PHACTR4: variants seen among roughly 807,000 people sequenced by gnomAD.
The protein encoded by PHACTR4 is protein phosphatase 1, regulatory subunit 124.
A neutral mutation model predicts 72.7 loss-of-function variants in PHACTR4; 51 were observed. That is an observed-to-expected ratio of 0.70 (90% CI 0.56 to 0.89). The LOEUF (loss-of-function observed/expected upper bound fraction) is 0.89, where lower values mean the gene tolerates loss of function less well. Among genes scored for constraint, PHACTR4 ranks in the 40% least tolerant of loss-of-function variants. PHACTR4 has a pLI of 0.00. For missense variants in PHACTR4, 731 were observed against 861.8 expected, an observed-to-expected ratio of 0.85 and a Z score of 1.90; for synonymous variants, 255 against 302.5, an observed-to-expected ratio of 0.84 and a Z score of 1.63.
chr1:28,489,363 C>G (rs1017239911), intron 10 of PHACTR4, 138 bp downstream of exon 10: 1 of 663,836 alleles, frequency 1.5e-6, no homozygotes, highest in African/African-American at 1.8e-5. Flanking sequence ...TATTTATTTC[C>G]CCATGAAGGA....
chr1:28,465,926 A>G, intron 5 of PHACTR4, 77 bp downstream of exon 5: 2 of 1,395,808 alleles, frequency 1.4e-6, no homozygotes, highest in Non-Finnish European at 1.9e-6. Context: ...GCAAGAGAAC[A>G]GGGAAAAGTG....
chr1:28,431,212 T>C (rs1403999356), intron 2 of PHACTR4, among the ~76,000 whole-genome samples: 3 of 142,686 alleles, frequency 2.1e-5, no homozygotes, highest in Admixed American at 2.1e-4. Flanking sequence ...TATATATATA[T>C]ATAAACATGG....
intron 9 of PHACTR4, among the ~76,000 whole-genome samples, chr1:28,481,962 A>G (rs1168022050): frequency 6.6e-6 from 1 of 151,860 alleles, no homozygotes; most frequent in Non-Finnish European, 1.5e-5. Context: ...CAATGGTGCA[A>G]TCTCGGCTTA....
chr1:28,473,093 G>A (rs904421585), intron 6 of PHACTR4, among the ~76,000 whole-genome samples: 1 of 151,474 alleles, frequency 6.6e-6, no homozygotes, highest in Non-Finnish European at 1.5e-5. Flanking sequence ...TGGCCAACAT[G>A]GTGAAAGCCC....
chr1:28,492,191 C>T (rs1362975047), intron 12 of PHACTR4, among the ~76,000 whole-genome samples: 3 of 152,164 alleles, frequency 2.0e-5, no homozygotes, highest in Non-Finnish European at 4.4e-5. Context: ...AATCCTAGCA[C>T]TTTGGGAGGC....
rs1387064214 is a variant in PHACTR4, at chr1:28,476,520, GTTTTTTGTTT to G, written c.1606+241_1606+250del. ...GTAGATTGAGTCACTCAGGTTTTAGGTTTTTTGTTTTTTTTTGTTTTAATTTTTTTTTTTT... is the reference window on the plus strand; with the variant it reads ...GTAGATTGAGTCACTCAGGTTTTAGGTTTTTTGTTTTAATTTTTTTTTTTT... On this transcript the variant is annotated intron_variant, in intron 8 of 13. Coordinates refer to ENST00000373839, the MANE Select transcript of PHACTR4 (RefSeq NM_001048183.3). 5.0e-3 allele frequency among the ~76,000 whole-genome samples: 720 copies of G among 143,666 alleles called. 5 individuals are homozygous for G. Among genetic ancestry groups the G allele is most frequent in the African/African-American group, 0.019 (673 of 35,854 alleles). The allele number at this position is 143,666 out of a possible 152,430, so 94.3% of individuals were successfully genotyped here.
At chr1:28,466,802 T>G in intron 6 of PHACTR4, 34 bp downstream of exon 6, 1 of 1,576,054 alleles carries the variant, frequency 6.3e-7, no homozygotes. Flanking sequence ...GTGTTTTGGG[T>G]TTGGTTTGAT....
chr1:28,433,646 C>T (rs1467817749), intron 2 of PHACTR4, among the ~76,000 whole-genome samples: 2 of 149,476 alleles, frequency 1.3e-5, no homozygotes, highest in East Asian at 2.0e-4. Flanking sequence ...TTAGTAGAGA[C>T]GGAGTTTTTC....
intron 2 of PHACTR4, among the ~76,000 whole-genome samples, chr1:28,419,713 A>G (rs1345354391): frequency 6.6e-6 from 1 of 152,202 alleles, no homozygotes; most frequent in East Asian, 1.9e-4. Flanking sequence ...TCTTCTAGTT[A>G]AAAGCTTTAG....
At chr1:28,438,362 G>T in intron 2 of PHACTR4, 1 of 1,606,482 alleles carries the variant, frequency 6.2e-7, no homozygotes, top group South Asian at 1.1e-5. Flanking sequence ...TTGTTGTCGT[G>T]AGATACATCA....
rs1320016675 is a variant in PHACTR4, at chr1:28,487,717, G to GTTTTTT, written c.1761-1452_1761-1447dup. Among the ~76,000 whole-genome samples, 92 of 102,446 alleles carry GTTTTTT rather than the reference G, an allele frequency of 9.0e-4. 5 individuals are homozygous for GTTTTTT. Among genetic ancestry groups the GTTTTTT allele is most frequent in the African/African-American group, 3.6e-3 (88 of 24,646 alleles). 67.2% of individuals were successfully genotyped at this position (102,446 alleles called of 152,430 possible). ...CTGATTTCAAAAATGACAAATTGTA[G>GTTTTTT]TTTTTTGTTGTTTTTTTTTTTTTTT... On this transcript the variant is annotated intron_variant, in intron 9 of 13. Transcript: ENST00000373839.
At chr1:28,418,324 T>A (rs1425654144) in intron 2 of PHACTR4, among the ~76,000 whole-genome samples, 53 of 146,800 alleles carry the variant, frequency 3.6e-4, no homozygotes, top group South Asian at 2.6e-3. Context: ...AAAAAAATAA[T>A]AATAATAATA....
chr1:28,469,859 C>T (rs567146376), intron 6 of PHACTR4, among the ~76,000 whole-genome samples: 1 of 151,904 alleles, frequency 6.6e-6, no homozygotes, highest in East Asian at 1.9e-4. Context: ...AGTTTGAGAC[C>T]AGCCTGGGCA....
intron 1 of PHACTR4, among the ~76,000 whole-genome samples, chr1:28,394,030 T>C (rs1294503488): frequency 6.6e-6 from 1 of 152,020 alleles, no homozygotes; most frequent in Non-Finnish European, 1.5e-5. Flanking sequence ...TTAAAAAAGT[T>C]AACTGTAAAA....
chr1:28,389,678 G>C (rs1289170935), intron 1 of PHACTR4, among the ~76,000 whole-genome samples: 1 of 151,976 alleles, frequency 6.6e-6, no homozygotes, highest in Non-Finnish European at 1.5e-5. Flanking sequence ...GGGTTTCACT[G>C]TGTTGGCCAA....
chr1:28,379,742 A>C (rs1380438312), intron 1 of PHACTR4, among the ~76,000 whole-genome samples: 1 of 151,374 alleles, frequency 6.6e-6, no homozygotes, highest in Non-Finnish European at 1.5e-5. Flanking sequence ...GGCGCCCGCC[A>C]CCACACCCGA....
chr1:28,375,915 C>A (rs889441754), intron 1 of PHACTR4, among the ~76,000 whole-genome samples: 1 of 151,918 alleles, frequency 6.6e-6, no homozygotes, highest in South Asian at 2.1e-4. Context: ...ACTAAAAATA[C>A]AAAATTAGCC....
intron 2 of PHACTR4, among the ~76,000 whole-genome samples, chr1:28,437,729 A>G (rs766083730): frequency 6.6e-6 from 1 of 152,190 alleles, no homozygotes; most frequent in Non-Finnish European, 1.5e-5. Context: ...AAAACCCTCA[A>G]TGACCTAATT....
intron 1 of PHACTR4, among the ~76,000 whole-genome samples, chr1:28,398,980 T>A (rs1412294689): frequency 1.3e-5 from 2 of 152,118 alleles, no homozygotes; most frequent in Non-Finnish European, 2.9e-5. Flanking sequence ...GGAAGACACG[T>A]TAGCCAAGCT....
Sources: allele counts gnomAD v4.1 joint callset (sites outside exome capture counted in the v4.1 genomes callset), GRCh38; gene constraint gnomAD v4.1.1; transcripts MANE v1.5; gene names NCBI Gene and HGNC (gene_info 2026-07-23, HGNC 2026-07-21).